Variants in SNTG1 observed in about 807,000 individuals in gnomAD.
SNTG1 encodes gamma-1-syntrophin.
Under a neutral mutation model 74.7 loss-of-function variants are expected in SNTG1, and 39 were observed. That is an observed-to-expected ratio of 0.52 (90% CI 0.40 to 0.68). The LOEUF (loss-of-function observed/expected upper bound fraction) is 0.68, where lower values mean the gene tolerates loss of function less well. Among genes scored for constraint, SNTG1 ranks in the 30% least tolerant of loss-of-function variants. The pLI is 0.00. For missense variants in SNTG1, 685 were observed against 609.5 expected (o/e 1.12, Z -1.30); for synonymous variants, 254 against 217.1 (o/e 1.17, Z -1.49).
At chr8:50,425,127 T>C (rs1587577198) in intron 4 of SNTG1, among the ~76,000 whole-genome samples, 1 of 152,174 alleles carries the variant, frequency 6.6e-6, no homozygotes, top group East Asian at 1.9e-4. Context: ...GGCACAAGAT[T>C]TGCGTCCGGG....
intron 1 of SNTG1, among the ~76,000 whole-genome samples, chr8:50,087,579 C>T (rs1343103153): frequency 2.0e-5 from 3 of 152,002 alleles, no homozygotes; most frequent in African/African-American, 7.2e-5. Context: ...CATAGCCAAA[C>T]CATATAATAG....
At chr8:50,158,583 C>A (rs1479530480) in intron 1 of SNTG1, among the ~76,000 whole-genome samples, 1 of 152,120 alleles carries the variant, frequency 6.6e-6, no homozygotes, top group Non-Finnish European at 1.5e-5. Context: ...TTCAACTATG[C>A]AATTATTGAA....
intron 1 of SNTG1, among the ~76,000 whole-genome samples, chr8:49,917,579 T>A (rs2129339398): frequency 6.6e-6 from 1 of 152,300 alleles, no homozygotes; most frequent in African/African-American, 2.4e-5. Flanking sequence ...GTGTTATGAC[T>A]TAGCCTGTTA....
chr8:50,062,170 A>G (rs1261423877), intron 1 of SNTG1, among the ~76,000 whole-genome samples: 1 of 151,976 alleles, frequency 6.6e-6, no homozygotes, highest in Non-Finnish European at 1.5e-5. Context: ...CAGCCTCCTG[A>G]GTAGCTGGGA....
At chr8:50,066,007 G>T (rs1224181969) in intron 1 of SNTG1, among the ~76,000 whole-genome samples, 2 of 152,112 alleles carry the variant, frequency 1.3e-5, no homozygotes, top group East Asian at 1.9e-4. Context: ...ACAAGGTCAG[G>T]AGTTCGAGAC....
At chr8:50,419,990 C>T (rs918437197) in intron 4 of SNTG1, among the ~76,000 whole-genome samples, 1 of 149,582 alleles carries the variant, frequency 6.7e-6, no homozygotes, top group Non-Finnish European at 1.5e-5. Context: ...GAAAAAAAAA[C>T]AGGGAAATTG....
intron 1 of SNTG1, among the ~76,000 whole-genome samples, chr8:49,944,849 G>A (rs370258470): frequency 6.6e-5 from 10 of 150,910 alleles, no homozygotes; most frequent in Non-Finnish European, 1.0e-4. Context: ...GTGCAGTGGC[G>A]CAATCTCGGC....
intron 1 of SNTG1, among the ~76,000 whole-genome samples, chr8:50,016,073 G>A (rs915648737): frequency 6.6e-6 from 1 of 152,020 alleles, no homozygotes; most frequent in Non-Finnish European, 1.5e-5. Flanking sequence ...AGATGTAATG[G>A]TTTCACAGGG....
intron 1 of SNTG1, among the ~76,000 whole-genome samples, chr8:50,162,742 A>G (rs2082468390): frequency 6.6e-6 from 1 of 151,926 alleles, no homozygotes. Context: ...CTCTGTCCTG[A>G]TTGACATCAG....
chr8:50,613,046 C>T (rs2094861845), intron 13 of SNTG1, among the ~76,000 whole-genome samples: 1 of 152,062 alleles, frequency 6.6e-6, no homozygotes, highest in South Asian at 2.1e-4. Flanking sequence ...ACAAAAAGTG[C>T]CCCACTTACT....
intron 8 of SNTG1, among the ~76,000 whole-genome samples, chr8:50,487,486 C>T (rs868651696): frequency 1.3e-5 from 2 of 152,136 alleles, no homozygotes; most frequent in Non-Finnish European, 2.9e-5. Context: ...GGCACATTTA[C>T]ACCATGGAAT....
intron 2 of SNTG1, among the ~76,000 whole-genome samples, chr8:50,345,567 A>T (rs1587239214): frequency 6.6e-6 from 1 of 152,198 alleles, no homozygotes; most frequent in Non-Finnish European, 1.5e-5. Flanking sequence ...TTCCTGGTTC[A>T]TAGGGAGGTG....
intron 17 of SNTG1, among the ~76,000 whole-genome samples, chr8:50,712,059 C>A (rs183618972): frequency 6.6e-6 from 1 of 152,234 alleles, no homozygotes; most frequent in Admixed American, 6.5e-5. Flanking sequence ...TAAACAGAAA[C>A]CTCATCAGTG....
intron 8 of SNTG1, among the ~76,000 whole-genome samples, chr8:50,455,407 A>G (rs1298070315): frequency 1.3e-5 from 2 of 152,204 alleles, no homozygotes; most frequent in Non-Finnish European, 2.9e-5. Context: ...TTTGAATTGC[A>G]AAAATTAACA....
At chr8:50,350,342 G>A (rs1476401417) in intron 2 of SNTG1, among the ~76,000 whole-genome samples, 4 of 152,190 alleles carry the variant, frequency 2.6e-5, no homozygotes, top group African/African-American at 7.2e-5. Context: ...TCCACCTGTG[G>A]CCCTGGTGCG....
chr8:49,986,911 A>G (rs1426086258), intron 1 of SNTG1, among the ~76,000 whole-genome samples: 2 of 152,150 alleles, frequency 1.3e-5, no homozygotes, highest in East Asian at 3.9e-4. Context: ...GTAAATATAA[A>G]TAAATATCTG....
At chr8:50,247,540 C>T (rs1182736737) in intron 2 of SNTG1, among the ~76,000 whole-genome samples, 1 of 152,154 alleles carries the variant, frequency 6.6e-6, no homozygotes, top group Non-Finnish European at 1.5e-5. Flanking sequence ...GACAAATACT[C>T]TGTCACCCAG....
chr8:50,502,668 T>A (rs778337272), intron 8 of SNTG1, 110 bp from the exon 9 acceptor site: 25 of 804,472 alleles, frequency 3.1e-5, no homozygotes, highest in Non-Finnish European at 4.7e-5. Flanking sequence ...TGTTTCTGAA[T>A]ACTAGGGAAA....
At chr8:50,662,342 A>G (rs952032846) in intron 15 of SNTG1, among the ~76,000 whole-genome samples, 6 of 152,194 alleles carry the variant, frequency 3.9e-5, no homozygotes, top group African/African-American at 1.2e-4. Flanking sequence ...ATGAAGCTAC[A>G]CCAGTAATAA....
Sources: allele counts gnomAD v4.1 joint callset (sites outside exome capture counted in the v4.1 genomes callset), GRCh38; gene constraint gnomAD v4.1.1; transcripts MANE v1.5; gene names NCBI Gene and HGNC (gene_info 2026-07-23, HGNC 2026-07-21).